Variants in HMGXB4 observed in about 807,000 individuals in gnomAD.
HMGXB4 encodes HMG-box containing 4, also known as HMG domain-containing protein 4.
HMGXB4 carries 27 observed loss-of-function variants against 63.9 expected under a neutral mutation model. The observed-to-expected ratio is 0.42, with a 90% CI of 0.31 to 0.58. The LOEUF (loss-of-function observed/expected upper bound fraction) is 0.58. Among genes scored for constraint, HMGXB4 ranks in the 20% least tolerant of loss-of-function variants. The pLI is 0.13. For missense variants in HMGXB4, 624 were observed against 700.7 expected (o/e 0.89, Z 1.24); for synonymous variants, 264 against 265.3 (o/e 0.99, Z 0.05).
At chr22:35,245,229 T>G in the HMGXB4 span, among the ~76,000 whole-genome samples, 2 of 152,132 alleles carry the variant, frequency 1.3e-5, no homozygotes, top group African/African-American at 4.8e-5. Flanking sequence ...CCGCCTCCTC[T>G]GCTCCACCTC....
In HMGXB4 at chr22:35,275,149, C is replaced by T. The variant is rs57863592; in HGVS notation, c.1216-8813C>T. Reference sequence around the variant, plus strand: ...TTTTTTTTTTTTTGAGACGGATTTTCGCTCTTGTCGCCCAGGCTGTAGTAC... The same window carrying T: ...TTTTTTTTTTTTTGAGACGGATTTTTGCTCTTGTCGCCCAGGCTGTAGTAC... On this transcript the variant is annotated intron_variant, in intron 5 of 10. Coordinates refer to ENST00000216106, the MANE Select transcript of HMGXB4 (RefSeq NM_001003681.3). Among the ~76,000 whole-genome samples, 595 of 87,148 alleles carry T rather than the reference C, an allele frequency of 6.8e-3. 6 individuals are homozygous for T. The highest frequency in any genetic ancestry group is 0.028 in the African/African-American group (542 of 19,118). The allele number at this position is 87,148 out of a possible 152,430, so 57.2% of individuals were successfully genotyped here.
intron 1 of HMGXB4, among the ~76,000 whole-genome samples, chr22:35,261,583 C>T (rs772733494): frequency 3.9e-5 from 6 of 152,022 alleles, no homozygotes; most frequent in Middle Eastern, 3.2e-3. Flanking sequence ...TAAATTATAG[C>T]AATTCTTATT....
intron 2 of HMGXB4, chr22:35,262,758 A>T: frequency 1.9e-6 from 1 of 518,484 alleles, no homozygotes; most frequent in Non-Finnish European, 3.4e-6. Context: ...ACAGCACATG[A>T]ATCCTTATTC....
intron 5 of HMGXB4, among the ~76,000 whole-genome samples, chr22:35,267,837 G>A (rs1188094672): frequency 6.6e-6 from 1 of 152,164 alleles, no homozygotes; most frequent in East Asian, 1.9e-4. Flanking sequence ...TCATCCACCA[G>A]TCCATGTTAT....
intron 5 of HMGXB4, among the ~76,000 whole-genome samples, chr22:35,277,128 C>T (rs996555541): frequency 1.3e-5 from 2 of 152,164 alleles, no homozygotes; most frequent in South Asian, 2.1e-4. Context: ...CTCAGGGTCT[C>T]GCAAGACTGA....
chr22:35,276,192 C>T (rs1442920635), intron 5 of HMGXB4, among the ~76,000 whole-genome samples: 1 of 152,154 alleles, frequency 6.6e-6, no homozygotes, highest in African/African-American at 2.4e-5. Flanking sequence ...GCACGTGAGG[C>T]GAACAGTGTA....
chr22:35,263,819 G>A lies in HMGXB4; in HGVS notation c.204G>A (p.Gly68=). The A allele has an allele frequency of 6.2e-7, 1 of 1,613,164 alleles. No homozygotes were observed. Among genetic ancestry groups the A allele is most frequent in the Non-Finnish European group, 8.5e-7 (1 of 1,179,184 alleles). Residue 68 remains glycine, a synonymous_variant, in exon 4 of 11, where the codon GGG becomes GGA. Transcript: ENST00000216106. ...AGGATAGTGAACTTTACTTCTTGGG[G>A]ACGGACACACACAAGAAGAAGAGGA... ...KLKDSELYFL[G]TDTHKKKRKH... is the part of the protein sequence containing the mutation.
In HMGXB4 at chr22:35,263,831, C is replaced by A. The variant is rs1568995534; in HGVS notation, c.216C>A (p.His72Gln). 13 of 1,613,488 alleles carry A rather than the reference C, an allele frequency of 8.1e-6. No homozygotes were observed. Among genetic ancestry groups the A allele is most frequent in the Non-Finnish European group, 1.0e-5 (12 of 1,179,470 alleles). The change falls in exon 4 of 11, where the codon CAC (histidine) becomes CAA (glutamine). Residue 72 changes from histidine to glutamine, a missense_variant. His to Gln is a conservative substitution (Grantham distance 24). This residue lies in a region of HMGXB4 where 472 missense variants were observed against 470.6 expected (regional missense o/e 1.00). Coordinates refer to ENST00000216106, the MANE Select transcript of HMGXB4 (RefSeq NM_001003681.3). ...SELYFLGTDTHKKKRKHSSDD... is the reference protein window; with the variant it reads ...SELYFLGTDTQKKKRKHSSDD... Reference sequence around the variant, plus strand: ...TTTACTTCTTGGGGACGGACACACACAAGAAGAAGAGGAAGCACTCCTCTG... The same window carrying A: ...TTTACTTCTTGGGGACGGACACACAAAAGAAGAAGAGGAAGCACTCCTCTG...
At position 35,262,429 on chromosome 22, in the gene HMGXB4, C is replaced by A; in HGVS notation, c.31+8C>A. On this transcript the variant is annotated splice_region_variant and intron_variant, in intron 2 of 10. Coordinates refer to ENST00000216106, the MANE Select transcript of HMGXB4 (RefSeq NM_001003681.3). ...ACTCCGTGAAGAAAGAAGGTATGAC[C>A]CCATAATCTGAGAAGCATTCCAAAG... is the stretch of plus-strand genomic sequence containing the variant. The A allele has an allele frequency of 6.2e-7, 1 of 1,613,316 alleles. No homozygotes were observed. The highest frequency in any genetic ancestry group is 8.5e-7 in the Non-Finnish European group (1 of 1,179,276).
intron 7 of HMGXB4, chr22:35,287,063 GT>G (rs1924630910): frequency 3.1e-6 from 1 of 319,880 alleles, no homozygotes; most frequent in Non-Finnish European, 6.0e-6. Flanking sequence ...TGAGCCAGAG[GT>G]TTAATCTGTG....
intron 5 of HMGXB4, among the ~76,000 whole-genome samples, chr22:35,276,977 A>C (rs1352148381): frequency 6.6e-6 from 1 of 152,234 alleles, no homozygotes; most frequent in Non-Finnish European, 1.5e-5. Flanking sequence ...AAAATGTATA[A>C]GGAATAGAAA....
intron 4 of HMGXB4, among the ~76,000 whole-genome samples, chr22:35,264,413 A>G (rs775630750): frequency 1.3e-5 from 2 of 152,196 alleles, no homozygotes; most frequent in African/African-American, 2.4e-5. Flanking sequence ...TGAAGACTCA[A>G]TGAAGAGAAA....
chr22:35,255,484 C>T (rs1468971241), upstream of HMGXB4, among the ~76,000 whole-genome samples: 1 of 152,224 alleles, frequency 6.6e-6, no homozygotes, highest in East Asian at 1.9e-4. Context: ...CACTGCACTC[C>T]AGCCTGGGTG....
intron 5 of HMGXB4, among the ~76,000 whole-genome samples, chr22:35,280,297 C>T (rs1366015314): frequency 6.6e-6 from 1 of 152,166 alleles, no homozygotes; most frequent in Non-Finnish European, 1.5e-5. Flanking sequence ...GGAGTAATTC[C>T]CACCTTTGAG....
chr22:35,279,418 C>T (rs1317594142), intron 5 of HMGXB4, among the ~76,000 whole-genome samples: 2 of 151,974 alleles, frequency 1.3e-5, no homozygotes, highest in Admixed American at 6.6e-5. Flanking sequence ...GGATTACAGG[C>T]GTGAGCCACT....
rs115551915 is a variant in HMGXB4, at chr22:35,292,342, G to A, written c.1639-650G>A. On this transcript the variant is annotated intron_variant, in intron 9 of 10. Transcript: ENST00000216106. ...TCTGGACCCGGGCAGTCTTGAATCC[G>A]GAGCTCATTTTCTTAAGGACTGTGC... Among the ~76,000 whole-genome samples the A allele has an allele frequency of 8.9e-4, 135 of 152,168 alleles. 1 individual carries two copies. Among genetic ancestry groups the A allele is most frequent in the African/African-American group, 3.0e-3 (125 of 41,518 alleles).
At chr22:35,278,276 G>C (rs1240898872) in intron 5 of HMGXB4, among the ~76,000 whole-genome samples, 1 of 152,222 alleles carries the variant, frequency 6.6e-6, no homozygotes, top group East Asian at 1.9e-4. Flanking sequence ...CTTGGTTGCT[G>C]TCAAGTTTTG....
At chr22:35,270,943 G>T (rs1037760948) in intron 5 of HMGXB4, among the ~76,000 whole-genome samples, 19 of 152,044 alleles carry the variant, frequency 1.2e-4, no homozygotes, top group African/African-American at 3.6e-4. Context: ...CCTGGGTTTT[G>T]TTTCACTGTA....
intron 5 of HMGXB4, among the ~76,000 whole-genome samples, chr22:35,275,969 G>C (rs964281208): frequency 3.9e-5 from 6 of 152,110 alleles, no homozygotes; most frequent in Admixed American, 3.3e-4. Flanking sequence ...CATCCTGTAT[G>C]TTTTCTTTCA....
Sources: allele counts gnomAD v4.1 joint callset (sites outside exome capture counted in the v4.1 genomes callset), GRCh38; gene constraint gnomAD v4.1.1; regional missense constraint gnomAD v4.1.1; transcripts MANE v1.5; gene names NCBI Gene and HGNC (gene_info 2026-07-23, HGNC 2026-07-21).